The following NRXN3 variants were observed in gnomAD, a reference collection of about 807,000 sequenced individuals.
The protein encoded by NRXN3 is neurexin 3.
In NRXN3, 32 loss-of-function variants were observed where a neutral mutation model predicts 137.6. The observed-to-expected ratio is 0.23, with a 90% CI of 0.18 to 0.31. The LOEUF (loss-of-function observed/expected upper bound fraction) is 0.31. Among genes scored for constraint, NRXN3 ranks in the 10% least tolerant of loss-of-function variants. NRXN3 has a pLI of 1.00. For synonymous variants in NRXN3, 798 were observed against 784.5 expected (o/e 1.02, Z -0.29); for missense variants, 1,574 against 2,062.5 (o/e 0.76, Z 4.59).
chr14:78,588,474 T>G (rs1415435339), intron 4 of NRXN3, among the ~76,000 whole-genome samples: 2 of 152,204 alleles, frequency 1.3e-5, no homozygotes, highest in African/African-American at 2.4e-5. Context: ...TCTCCTGGGC[T>G]CCTGATGAAG....
rs2058828126 is a variant in NRXN3 at position 78,172,578 on chromosome 14, G to A, written c.-704+1904G>A. Among the ~76,000 whole-genome samples the A allele has an allele frequency of 4.6e-5, 7 of 152,202 alleles. No individual in the cohort carries two copies. In the South Asian group the frequency reaches 1.5e-3, roughly 32 times the overall value. On this transcript the variant is annotated intron_variant, in intron 1 of 20. Transcript: ENST00000335750. ...ATTGTTTGATTTTTTGTTGTTGTTGGGGAGTGGAGTAAGGGCTCTTGGCCC... is the reference window on the plus strand; with the variant it reads ...ATTGTTTGATTTTTTGTTGTTGTTGAGGAGTGGAGTAAGGGCTCTTGGCCC...
At chr14:78,375,932 T>C (rs728124) in intron 4 of NRXN3, among the ~76,000 whole-genome samples, 151,826 of 152,116 alleles carry the variant, frequency 1, 75,770 homozygotes, top group Middle Eastern at 1. Context: ...AAAGGATAAA[T>C]CTACATGGTT....
chr14:79,495,591 C>T (rs1478927648), intron 16 of NRXN3, among the ~76,000 whole-genome samples: 1 of 152,146 alleles, frequency 6.6e-6, no homozygotes, highest in African/African-American at 2.4e-5. Flanking sequence ...TATTACATGT[C>T]AGGCACTGTT....
intron 19 of NRXN3, among the ~76,000 whole-genome samples, chr14:79,764,408 G>A (rs1048941249): frequency 4.6e-5 from 7 of 152,076 alleles, no homozygotes; most frequent in African/African-American, 1.2e-4. Context: ...TTAATCATTC[G>A]GAGCAATAAT....
Position 79,348,378 on chromosome 14 carries a change from C to CTCTCTCTTTT in NRXN3, c.3263-118842_3263-118841insCTCTCTTTTT, listed in dbSNP as rs535595782. ...GTTAGTTTTATAGTTAATCTTCTCTCTTTTTTTTTTTTTTTGAGACAGAGT... is the reference window on the plus strand; with the variant it reads ...GTTAGTTTTATAGTTAATCTTCTCTCTCTCTCTTTTTTTTTTTTTTTTTTTGAGACAGAGT... On this transcript the variant is annotated intron_variant, in intron 15 of 20. Transcript: ENST00000335750. Among the ~76,000 whole-genome samples, 20 of 135,974 alleles carry CTCTCTCTTTT rather than the reference C, an allele frequency of 1.5e-4. 1 individual carries two copies. The highest frequency in any genetic ancestry group is 5.8e-4 in the African/African-American group (20 of 34,326). The allele number at this position is 135,974 out of a possible 152,430, so 89.2% of individuals were successfully genotyped here.
chr14:78,542,047 C>T (rs1024039089), intron 4 of NRXN3, among the ~76,000 whole-genome samples: 8 of 152,194 alleles, frequency 5.3e-5, no homozygotes, highest in Non-Finnish European at 1.2e-4. Context: ...CTGGAAGCTT[C>T]GTTCCAGAGG....
chr14:79,470,951 A>AGAGT lies in NRXN3; in HGVS notation c.3444+3550_3444+3551insAGTG, dbSNP rs1214553642. Among the ~76,000 whole-genome samples, 5 of 116,514 alleles carry AGAGT rather than the reference A, an allele frequency of 4.3e-5. No homozygotes were observed. The East Asian group carries it at 1.0e-3, about 23-fold the overall frequency. The allele number at this position is 116,514 out of a possible 152,430, so 76.4% of individuals were successfully genotyped here. On this transcript the variant is annotated intron_variant, in intron 16 of 20. Coordinates refer to ENST00000335750, the MANE Select transcript of NRXN3 (RefSeq NM_001330195.2). ...GAGAGAGAGAGAGAAAGAGAGAGAG[A>AGAGT]GTGTGTGTGTGTGTGTGTGTGTGTG...
chr14:79,794,653 C>T lies in NRXN3; in HGVS notation c.4015-10459C>T, dbSNP rs557009796. On this transcript the variant is annotated intron_variant, in intron 19 of 20. Transcript: ENST00000335750. ...TATACAGAGGACACGATATAGAATC[C>T]GGAGAGAGGAAAAGCAAAGGAGGCC... Among the ~76,000 whole-genome samples the T allele has an allele frequency of 1.1e-3, 172 of 152,236 alleles. 2 individuals are homozygous for T. The highest frequency in any genetic ancestry group is 1.8e-3 in the African/African-American group (74 of 41,546).
intron 15 of NRXN3, among the ~76,000 whole-genome samples, chr14:79,376,661 G>A (rs1220736955): frequency 2.0e-5 from 3 of 152,100 alleles, no homozygotes; most frequent in Non-Finnish European, 2.9e-5. Flanking sequence ...AAACTATAAA[G>A]CTAAAATTTT....
intron 15 of NRXN3, among the ~76,000 whole-genome samples, chr14:79,382,742 C>G (rs535580070): frequency 6.6e-6 from 1 of 152,202 alleles, no homozygotes; most frequent in African/African-American, 2.4e-5. Context: ...TATGAATTTA[C>G]TCTATTGAAT....
At chr14:79,253,801 C>A (rs1180927120) in intron 15 of NRXN3, among the ~76,000 whole-genome samples, 1 of 152,238 alleles carries the variant, frequency 6.6e-6, no homozygotes, top group African/African-American at 2.4e-5. Flanking sequence ...ACAATCTAAT[C>A]ACCTCCCACC....
chr14:79,741,877 GTA>G (rs1233212589), intron 19 of NRXN3, among the ~76,000 whole-genome samples: 1 of 151,714 alleles, frequency 6.6e-6, no homozygotes, highest in South Asian at 2.1e-4. Flanking sequence ...GTGCTTATAT[GTA>G]TATACACAGA....
intron 15 of NRXN3, among the ~76,000 whole-genome samples, chr14:79,275,734 G>A (rs767809578): frequency 4.6e-5 from 7 of 151,626 alleles, no homozygotes; most frequent in East Asian, 1.9e-4. Flanking sequence ...GTGAGGATGG[G>A]GGGGGGGACA....
In NRXN3 at chr14:79,578,019, G is replaced by C. The variant is rs188937885; in HGVS notation, c.3445-85759G>C. Among the ~76,000 whole-genome samples the C allele has an allele frequency of 1.9e-4, 29 of 152,288 alleles. 2 individuals carry two copies. In the East Asian group the frequency reaches 2.9e-3, roughly 15 times the overall value. On this transcript the variant is annotated intron_variant, in intron 16 of 20. Coordinates refer to ENST00000335750, the MANE Select transcript of NRXN3 (RefSeq NM_001330195.2). ...CTAGGTGAAGGATGCATGATCCAAAGGTCCAGAGTTTGAAAGCTTGCAGTC... is the reference window on the plus strand; with the variant it reads ...CTAGGTGAAGGATGCATGATCCAAACGTCCAGAGTTTGAAAGCTTGCAGTC...
intron 8 of NRXN3, among the ~76,000 whole-genome samples, chr14:78,778,774 T>TTC (rs1161118823): frequency 3.2e-5 from 3 of 94,728 alleles, no homozygotes; most frequent in African/African-American, 1.5e-4. Context: ...CTTTCTTTCT[T>TTC]TCTTTCTTTC....
intron 2 of NRXN3, among the ~76,000 whole-genome samples, chr14:78,271,085 A>G (rs1382252425): frequency 6.6e-6 from 1 of 152,226 alleles, no homozygotes. Context: ...ACAATGATTC[A>G]TAAGCTTCCC....
At chr14:78,961,143 G>T (rs2152979853) in intron 11 of NRXN3, among the ~76,000 whole-genome samples, 1 of 151,854 alleles carries the variant, frequency 6.6e-6, no homozygotes, top group South Asian at 2.1e-4. Context: ...AGGGAATTAT[G>T]GGCAAAATAT....
At chr14:79,095,787 G>T (rs2050204749) in intron 15 of NRXN3, among the ~76,000 whole-genome samples, 1 of 152,040 alleles carries the variant, frequency 6.6e-6, no homozygotes, top group Non-Finnish European at 1.5e-5. Flanking sequence ...TTGAAAAGTT[G>T]TCTTTGATTT....
intron 4 of NRXN3, among the ~76,000 whole-genome samples, chr14:78,335,149 T>C (rs991192411): frequency 1.1e-4 from 16 of 152,192 alleles, no homozygotes; most frequent in Admixed American, 6.5e-4. Context: ...TAAATCCCTT[T>C]TGAGTTTCAG....
Sources: gnomAD v4.1 joint callset for allele counts (sites outside exome capture counted in the v4.1 genomes callset) on GRCh38, gnomAD v4.1.1 for gene constraint, MANE v1.5 for transcripts, NCBI Gene and HGNC (gene_info 2026-07-23, HGNC 2026-07-21) for gene names.